PCLO: variants seen among roughly 807,000 people sequenced by gnomAD.
PCLO encodes the protein protein piccolo.
In PCLO, 82 loss-of-function variants were observed where a neutral mutation model predicts 427.5. The ratio of observed to expected loss-of-function variants is 0.19; its 90% confidence interval spans 0.16 to 0.23. The LOEUF is 0.23. Among genes scored for constraint, PCLO ranks in the 10% least tolerant of loss-of-function variants. PCLO has a pLI of 1.00. For missense variants in PCLO, 6,239 were observed against 6,115.9 expected (o/e 1.02, Z -0.67); for synonymous variants, 2,357 against 2,155.4 (o/e 1.09, Z -2.59).
intron 3 of PCLO, among the ~76,000 whole-genome samples, chr7:82,982,109 T>C (rs1796159147): frequency 6.6e-6 from 1 of 152,144 alleles, no homozygotes; most frequent in Non-Finnish European, 1.5e-5. Flanking sequence ...CACTGTATAA[T>C]TCATTCAATT....
At chr7:82,841,277 G>T (rs187773583) in intron 14 of PCLO, among the ~76,000 whole-genome samples, 182 bp downstream of exon 14, 1 of 152,038 alleles carries the variant, frequency 6.6e-6, no homozygotes, top group Admixed American at 6.6e-5. Context: ...AGCTATGATT[G>T]GACTTCATAA....
chr7:83,013,066 G>A (rs1014415791), intron 3 of PCLO, among the ~76,000 whole-genome samples: 1 of 151,968 alleles, frequency 6.6e-6, no homozygotes, highest in Non-Finnish European at 1.5e-5. Context: ...TTGCTGCTCA[G>A]CTTTCTAATT....
chr7:82,989,783 C>T (rs552133659), intron 3 of PCLO, among the ~76,000 whole-genome samples: 2 of 152,138 alleles, frequency 1.3e-5, no homozygotes, highest in South Asian at 2.1e-4. Context: ...CCCTTTATTT[C>T]TATCAGACAG....
intron 3 of PCLO, among the ~76,000 whole-genome samples, chr7:83,045,545 T>C (rs1789083544): frequency 6.6e-6 from 1 of 152,180 alleles, no homozygotes; most frequent in Non-Finnish European, 1.5e-5. Flanking sequence ...ATATTCTGAC[T>C]CATGATAGCT....
intron 10 of PCLO, among the ~76,000 whole-genome samples, chr7:82,871,185 T>G (rs967943150): frequency 2.0e-5 from 3 of 152,018 alleles, no homozygotes; most frequent in African/African-American, 7.2e-5. Context: ...CTATTCAAAA[T>G]AGCCAAGAGA....
chr7:82,858,432 T>TTCCTACCCAG (rs1363791907), intron 10 of PCLO, among the ~76,000 whole-genome samples: 1 of 152,040 alleles, frequency 6.6e-6, no homozygotes, highest in African/African-American at 2.4e-5. Context: ...TCCATCAACA[T>TTCCTACCCAG]AGTACTGGAA....
At chr7:82,936,779 CA>C (rs1293860654) in intron 6 of PCLO, among the ~76,000 whole-genome samples, 1 of 151,458 alleles carries the variant, frequency 6.6e-6, no homozygotes, top group Non-Finnish European at 1.5e-5. Flanking sequence ...AATGAATAAA[CA>C]AACTGTGGCA....
intron 3 of PCLO, among the ~76,000 whole-genome samples, chr7:83,065,077 A>G (rs1789634602): frequency 6.7e-6 from 1 of 149,574 alleles, no homozygotes; most frequent in African/African-American, 2.5e-5. Flanking sequence ...AAAAAGAGAG[A>G]CTAAGTGGAA....
rs1794411878 is a variant in PCLO, at chr7:82,915,117, C to G, written c.12869G>C (p.Arg4290Thr). 3 of 1,589,760 alleles carry G rather than the reference C, an allele frequency of 1.9e-6. No homozygotes were observed. The highest frequency in any genetic ancestry group is 3.6e-5 in the Admixed American group (2 of 55,022). ...GACAGAGGAAGGTCTGGAGGAAGGTCTGGACCTGCTGCCACTACTGTATGG... is the reference window on the plus strand; with the variant it reads ...GACAGAGGAAGGTCTGGAGGAAGGTGTGGACCTGCTGCCACTACTGTATGG... ...DKPYSSGSRS[R>T]PSSRPSSVYG... The change falls in exon 7 of 25, where the codon AGA becomes ACA. Residue 4290 changes from arginine to threonine, a missense_variant. Physicochemically the swap from Arg to Thr is moderately conservative, Grantham distance 71. Around this residue, in one of 5 missense-constraint regions of PCLO, gnomAD observed 680 missense variants for 677.3 expected, o/e 1.00. Transcript: ENST00000333891.
chr7:82,936,062 G>A (rs1794946993), intron 6 of PCLO, among the ~76,000 whole-genome samples: 1 of 151,676 alleles, frequency 6.6e-6, no homozygotes, highest in Non-Finnish European at 1.5e-5. Flanking sequence ...GAACAACACT[G>A]TAAACAGTAG....
rs185173070 is a variant in PCLO, at chr7:82,783,067, C to T, written c.15007+18451G>A. ...AGTGTAAAACTAGGCCTCAAAGGAG[C>T]CAGCAACTTCATCCCTTGCCTTATA... is the stretch of plus-strand genomic sequence containing the variant. On this transcript the variant is annotated intron_variant, in intron 22 of 24. Transcript: ENST00000333891. Among the ~76,000 whole-genome samples the T allele has an allele frequency of 9.8e-5, 15 of 152,310 alleles. No individual in the cohort carries two copies. In the South Asian group the frequency reaches 2.1e-3, roughly 21 times the overall value.
At chr7:82,949,441 T>G in intron 6 of PCLO, 35 bp downstream of exon 6, 3 of 1,455,138 alleles carry the variant, frequency 2.1e-6, no homozygotes, top group Non-Finnish European at 2.8e-6. Context: ...TAATAACTCA[T>G]CCATTGCCTT....
At chr7:82,890,270 A>G (rs1785746870) in intron 9 of PCLO, among the ~76,000 whole-genome samples, 1 of 152,058 alleles carries the variant, frequency 6.6e-6, no homozygotes, top group Non-Finnish European at 1.5e-5. Context: ...TTATTTGAAC[A>G]AAGAGAAGCA....
At chr7:83,061,867 G>A (rs921863040) in intron 3 of PCLO, among the ~76,000 whole-genome samples, 10 of 152,098 alleles carry the variant, frequency 6.6e-5, no homozygotes, top group African/African-American at 1.7e-4. Context: ...GAATACATAC[G>A]AAATGACTTA....
At chr7:83,119,648 A>G (rs1443158540) in intron 3 of PCLO, among the ~76,000 whole-genome samples, 1 of 152,102 alleles carries the variant, frequency 6.6e-6, no homozygotes, top group Non-Finnish European at 1.5e-5. Flanking sequence ...ATCCACAAAC[A>G]TAAAAAACAT....
rs1303798915 is a variant in PCLO at position 83,158,576 on chromosome 7, AAACTT to A, written c.249-2189_249-2185del. On this transcript the variant is annotated intron_variant, in intron 1 of 24. Transcript: ENST00000333891. The stretch of plus-strand genomic sequence containing the variant: ...ATTCTTCTCTCTTGAAAATACTACT[AAACTT>A]ATTTTAATCATTGTTTTAATATTTC... Among the ~76,000 whole-genome samples the A allele has an allele frequency of 2.0e-5, 3 of 151,966 alleles. No homozygotes were observed. The East Asian group carries it at 5.8e-4, about 29-fold the overall frequency.
rs948521343 is a variant in PCLO at position 83,155,492 on chromosome 7, C to T, written c.1149G>A (p.Ser383=). The change falls in exon 2 of 25, where the codon TCG becomes TCA. Residue 383 remains serine, a synonymous_variant. Transcript: ENST00000333891. ...AQQTGSEKPS[S]EQPGPKALAQ... ...CTAAAGCCTTTGGCCCAGGCTGCTC[C>T]GATGAAGGCTTCTCTGACCCAGTCT... 19 of 1,465,970 alleles carry T rather than the reference C, an allele frequency of 1.3e-5. No homozygotes were observed. The highest frequency in any genetic ancestry group is 2.2e-5 in the Admixed American group (1 of 45,626). The allele number at this position is 1,465,970 out of a possible 1,614,324, so 90.8% of individuals were successfully genotyped here.
At chr7:82,796,364 G>A (rs1791223841) in intron 22 of PCLO, among the ~76,000 whole-genome samples, 1 of 152,052 alleles carries the variant, frequency 6.6e-6, no homozygotes, top group South Asian at 2.1e-4. Context: ...AATAGGAGGA[G>A]GCTTTCCCCT....
chr7:82,759,087 CAAAT>C (rs1790376325), intron 24 of PCLO, among the ~76,000 whole-genome samples: 1 of 151,814 alleles, frequency 6.6e-6, no homozygotes, highest in African/African-American at 2.4e-5. Flanking sequence ...AAATCCAAAT[CAAAT>C]AAAAGATTAT....
Sources: gnomAD v4.1 joint callset for allele counts (sites outside exome capture counted in the v4.1 genomes callset) on GRCh38, gnomAD v4.1.1 for gene constraint, gnomAD v4.1.1 regional missense constraint, MANE v1.5 for transcripts, NCBI Gene and HGNC (gene_info 2026-07-23, HGNC 2026-07-21) for gene names.